Variants in CSMD1 observed in about 807,000 individuals in gnomAD.
The protein encoded by CSMD1 is CUB and Sushi multiple domains 1, also known as CUB and sushi domain-containing protein 1.
CSMD1 carries 213 observed loss-of-function variants against 417.5 expected under a neutral mutation model. The ratio of observed to expected loss-of-function variants is 0.51; its 90% CI spans 0.46 to 0.57. The LOEUF (loss-of-function observed/expected upper bound fraction) is 0.57. Among genes scored for constraint, CSMD1 ranks in the 20% least tolerant of loss-of-function variants. CSMD1 has a pLI of 0.00. For missense variants in CSMD1, 6,923 were observed against 4,529.7 expected (o/e 1.53, Z -15.17); for synonymous variants, 2,862 against 1,736.8 (o/e 1.65, Z -16.11).
chr8:3,218,288 G>A lies in CSMD1; in HGVS notation c.4672+967C>T, dbSNP rs544931378. 5.9e-5 allele frequency among the ~76,000 whole-genome samples: 9 copies of A among 152,304 alleles called. No homozygotes were observed. In the South Asian group the frequency reaches 6.2e-4, roughly 11 times the overall value. On this transcript the variant is annotated intron_variant, in intron 29 of 69. Transcript: ENST00000635120. Reference sequence around the variant, plus strand: ...GATAAAATGAAGTTATTGGCCGGGCGCGGTGGCTCACGCCTGTAATCGCAG... The same window carrying A: ...GATAAAATGAAGTTATTGGCCGGGCACGGTGGCTCACGCCTGTAATCGCAG...
chr8:3,463,784 G>C (rs527698264), intron 12 of CSMD1, among the ~76,000 whole-genome samples: 1 of 152,268 alleles, frequency 6.6e-6, no homozygotes, highest in East Asian at 1.9e-4. Context: ...TAACATCAAT[G>C]CTGTCTCAAA....
chr8:4,489,682 A>C (rs999571393), intron 2 of CSMD1, among the ~76,000 whole-genome samples: 1 of 152,272 alleles, frequency 6.6e-6, no homozygotes. Context: ...CCTATGTTTG[A>C]TCTGGCAGGT....
At chr8:4,025,752 G>A (rs564174750) in intron 4 of CSMD1, among the ~76,000 whole-genome samples, 3 of 152,122 alleles carry the variant, frequency 2.0e-5, no homozygotes, top group Non-Finnish European at 4.4e-5. Context: ...TAATGTCAAT[G>A]TGATGTTTGT....
At chr8:4,414,226 C>T (rs1475493202) in intron 3 of CSMD1, among the ~76,000 whole-genome samples, 1 of 152,114 alleles carries the variant, frequency 6.6e-6, no homozygotes, top group Non-Finnish European at 1.5e-5. Flanking sequence ...GAAAATCATG[C>T]TTGAGGGATG....
intron 11 of CSMD1, among the ~76,000 whole-genome samples, chr8:3,488,690 G>C (rs1001261352): frequency 9.2e-5 from 14 of 152,100 alleles, no homozygotes; most frequent in African/African-American, 3.1e-4. Flanking sequence ...AAAGAATCAA[G>C]CAAGAACGCT....
intron 10 of CSMD1, among the ~76,000 whole-genome samples, chr8:3,506,227 G>C (rs930849835): frequency 1.3e-5 from 2 of 152,158 alleles, no homozygotes; most frequent in Non-Finnish European, 2.9e-5. Context: ...GGCCCTGGGG[G>C]AGAGGGTGCA....
intron 38 of CSMD1, among the ~76,000 whole-genome samples, chr8:3,161,527 G>C (rs1429003439): frequency 1.4e-5 from 2 of 147,698 alleles, no homozygotes; most frequent in East Asian, 2.1e-4. Context: ...TGAGGCAGGA[G>C]AATTGTTTGA....
chr8:3,888,101 A>C (rs556467191), intron 5 of CSMD1, among the ~76,000 whole-genome samples: 1 of 152,192 alleles, frequency 6.6e-6, no homozygotes, highest in South Asian at 2.1e-4. Flanking sequence ...ATTAAAAACC[A>C]ACGCTCCTTT....
intron 2 of CSMD1, among the ~76,000 whole-genome samples, chr8:4,450,068 A>G (rs1389199546): frequency 1.3e-5 from 2 of 151,990 alleles, no homozygotes; most frequent in Admixed American, 6.6e-5. Context: ...CGGACCAAGG[A>G]CTTCCTCGTC....
At chr8:3,007,844 T>C (rs669139) in intron 52 of CSMD1, among the ~76,000 whole-genome samples, 29,660 of 149,700 alleles carry the variant, frequency 0.2, 5,439 homozygotes, top group African/African-American at 0.49. Context: ...GTGGGTGCAG[T>C]GCACCAGCAT....
At chr8:3,324,331 C>A (rs982843506) in intron 23 of CSMD1, among the ~76,000 whole-genome samples, 1 of 150,904 alleles carries the variant, frequency 6.6e-6, no homozygotes, top group African/African-American at 2.4e-5. Flanking sequence ...CCCCACTAGT[C>A]GTCACTGTTA....
chr8:3,586,129 G>C lies in CSMD1; in HGVS notation c.1222+7C>G. 1.9e-6 allele frequency: 3 copies of C among 1,609,806 alleles called. No individual in the cohort carries two copies. Among genetic ancestry groups the C allele is most frequent in the Non-Finnish European group, 2.5e-6 (3 of 1,178,482 alleles). On this transcript the variant is annotated splice_region_variant and intron_variant, in intron 9 of 69. Coordinates refer to ENST00000635120, the MANE Select transcript of CSMD1 (RefSeq NM_033225.6). ...AATCCAGGCTTTACCCACCGCAGGT[G>C]CCTTACCTCGGCAGATGGGCCTGTG...
At chr8:3,452,114 G>C (rs746690783) in intron 12 of CSMD1, among the ~76,000 whole-genome samples, 73 of 152,134 alleles carry the variant, frequency 4.8e-4, no homozygotes, top group Admixed American at 1.6e-3. Context: ...TTGGCTCTCT[G>C]TTTGTCTGTT....
intron 5 of CSMD1, among the ~76,000 whole-genome samples, chr8:3,842,342 A>G (rs373898251): frequency 5.7e-4 from 87 of 152,308 alleles, no homozygotes; most frequent in African/African-American, 2.0e-3. Flanking sequence ...ATTAGGTTTT[A>G]GATACCCATA....
At chr8:3,019,259 G>A (rs1012296302) in intron 51 of CSMD1, among the ~76,000 whole-genome samples, 1 of 151,550 alleles carries the variant, frequency 6.6e-6, no homozygotes, top group African/African-American at 2.4e-5. Flanking sequence ...AGGTATAGCT[G>A]AACCATTCTT....
chr8:4,199,722 G>A lies in CSMD1; in HGVS notation c.416-167623C>T, dbSNP rs75490515. ...TGTTAATCCAGTGCCATTTCTCAGGGATCAGATGCTTTGATCCTCTTAAAA... is the reference window on the plus strand; with the variant it reads ...TGTTAATCCAGTGCCATTTCTCAGGAATCAGATGCTTTGATCCTCTTAAAA... On this transcript the variant is annotated intron_variant, in intron 3 of 69. Coordinates refer to ENST00000635120, the MANE Select transcript of CSMD1 (RefSeq NM_033225.6). Among the ~76,000 whole-genome samples, 1,199 of 152,218 alleles carry A rather than the reference G, an allele frequency of 7.9e-3. 11 individuals are homozygous for A. Among genetic ancestry groups the A allele is most frequent in the Non-Finnish European group, 0.013 (914 of 67,996 alleles).
At chr8:4,416,423 C>A (rs946819615) in intron 3 of CSMD1, among the ~76,000 whole-genome samples, 1 of 151,876 alleles carries the variant, frequency 6.6e-6, no homozygotes, top group African/African-American at 2.4e-5. Context: ...TATGATTTCC[C>A]AAATATTTTA....
intron 3 of CSMD1, among the ~76,000 whole-genome samples, chr8:4,034,176 G>A (rs546801588): frequency 1.4e-4 from 22 of 152,062 alleles, no homozygotes; most frequent in Admixed American, 3.9e-4. Context: ...TTTAGAATAC[G>A]GAATAGGAAT....
In CSMD1 at chr8:2,937,266, C is replaced by T. The variant is rs907651054; in HGVS notation, c.*1319G>A. ...GAATCATAAAGCATGAAACAAATAA[C>T]AAATGAATGTATAAAATATATCATT... On this transcript the variant is annotated 3_prime_UTR_variant, in exon 70 of 70. Coordinates refer to ENST00000635120, the MANE Select transcript of CSMD1 (RefSeq NM_033225.6). 1 of 151,928 alleles carries T rather than the reference C, an allele frequency of 6.6e-6. No homozygotes were observed. Among genetic ancestry groups the T allele is most frequent in the Admixed American group, 6.6e-5 (1 of 15,264 alleles). The allele number at this position is 151,928 out of a possible 1,614,324, so 9.4% of individuals were successfully genotyped here. A position where few individuals can be genotyped will look rare whatever the true frequency, so the allele number is the denominator to read the frequency against.
Sources: allele counts gnomAD v4.1 joint callset (sites outside exome capture counted in the v4.1 genomes callset), GRCh38; gene constraint gnomAD v4.1.1; transcripts MANE v1.5; gene names NCBI Gene and HGNC (gene_info 2026-07-23, HGNC 2026-07-21).